The following PSPH variants were observed in gnomAD, a reference collection of about 807,000 sequenced individuals.
PSPH encodes phosphoserine phosphatase.
A neutral mutation model predicts 23.4 loss-of-function variants in PSPH; 16 were observed. The ratio of observed to expected loss-of-function variants is 0.68; its 90% CI spans 0.46 to 1.04. The LOEUF (loss-of-function observed/expected upper bound fraction) is 1.04. PSPH is among the 50% of genes least tolerant of loss of function. PSPH has a pLI of 0.00. For missense variants in PSPH, 223 were observed against 273.7 expected, an observed-to-expected ratio of 0.81 and a Z score of 1.31; for synonymous variants, 68 against 99.7, an observed-to-expected ratio of 0.68 and a Z score of 1.89.
chr7:56,020,974 G>C, intron 4 of PSPH, 99 bp downstream of exon 4: 1 of 1,409,354 alleles, frequency 7.1e-7, no homozygotes, highest in Non-Finnish European at 9.9e-7. Context: ...AAAAAGCCTA[G>C]TGCAAATGTT....
chr7:56,031,861 T>A (rs1791044877), intron 3 of PSPH, 68 bp downstream of exon 3: 1 of 153,350 alleles, frequency 6.5e-6, no homozygotes. Context: ...AACAGTTCAA[T>A]GCGTAAAAAA....
intron 1 of PSPH, 58 bp from the exon 2 acceptor site, chr7:56,034,164 C>A (rs1229793159): frequency 6.6e-6 from 1 of 152,288 alleles, no homozygotes; most frequent in African/African-American, 2.4e-5. Context: ...ACTGGAGACA[C>A]CAGATCTGTC....
chr7:56,043,924 G>A (rs762257602), intron 1 of PSPH, among the ~76,000 whole-genome samples: 11 of 152,066 alleles, frequency 7.2e-5, no homozygotes, highest in African/African-American at 9.7e-5. Flanking sequence ...CGATAGTTTT[G>A]AACATACAGG....
At position 56,032,112 on chromosome 7, in the gene PSPH, G is replaced by T. The variant is rs556903530; in HGVS notation, c.-145-58C>A. 4 of 152,294 alleles carry T rather than the reference G, an allele frequency of 2.6e-5. No individual in the cohort carries two copies. The East Asian group carries it at 7.7e-4, about 29-fold the overall frequency. The allele number at this position is 152,294 out of a possible 1,614,324, so 9.4% of individuals were successfully genotyped here. On this transcript the variant is annotated intron_variant, in intron 2 of 7. Transcript: ENST00000275605. ...AGTCCATACACAAAACAGGAAAGAG[G>T]GAGACTGGCTTCACTCTCTCTCCTG... is the stretch of plus-strand genomic sequence containing the variant.
intron 4 of PSPH, among the ~76,000 whole-genome samples, chr7:56,020,566 A>G (rs1486782422): frequency 6.6e-6 from 1 of 151,014 alleles, no homozygotes; most frequent in Non-Finnish European, 1.5e-5. Flanking sequence ...CAGAGGTTGC[A>G]GTGAGCTGAG....
chr7:56,021,103 AT>A lies in PSPH; in HGVS notation c.109del (p.Ile37SerfsTer11). 6.2e-7 allele frequency: 1 copy of A among 1,614,214 alleles called. No homozygotes were observed. The highest frequency in any genetic ancestry group is 8.5e-7 in the Non-Finnish European group (1 of 1,180,032). ...TGACACCGCGTCCTCAACGCCACAGATTTTGGCTAGCTCATCGATTCCTTCT... is the reference window on the plus strand; with the variant it reads ...TGACACCGCGTCCTCAACGCCACAGATTTGGCTAGCTCATCGATTCCTTCT... Reference protein sequence around the residue: ...REEGIDELAKICGVEDAVSEM... With the variant: ...REEGIDELAKXCGVEDAVSEM... On this transcript the variant is annotated frameshift_variant, in exon 4 of 8. Coordinates refer to ENST00000275605, the MANE Select transcript of PSPH (RefSeq NM_004577.4). LOFTEE classifies it high-confidence loss of function.
chr7:56,040,927 C>T (rs1167679648), intron 1 of PSPH, among the ~76,000 whole-genome samples: 1 of 152,026 alleles, frequency 6.6e-6, no homozygotes, highest in East Asian at 1.9e-4. Flanking sequence ...GGAGTGGAAA[C>T]CCTTGTAACC....
Position 56,011,402 on chromosome 7 carries a change from GC to G in PSPH, c.*359del, listed in dbSNP as rs1787897740. The G allele has an allele frequency of 1.2e-5, 2 of 161,164 alleles. No individual in the cohort carries two copies. The highest frequency in any genetic ancestry group is 4.8e-5 in the African/African-American group (2 of 41,598). 10.0% of individuals were successfully genotyped at this position (161,164 alleles called of 1,614,324 possible). A position where few individuals can be genotyped will look rare whatever the true frequency, so the allele number is the denominator to read the frequency against. On this transcript the variant is annotated 3_prime_UTR_variant, in exon 8 of 8. Transcript: ENST00000275605. ...AAATTAGCCGGATGTGGTGGCGGGT[GC>G]CTGTAGTCCCAGCTACTCGGGAGGC...
At chr7:56,032,892 A>G (rs985536524) in intron 2 of PSPH, among the ~76,000 whole-genome samples, 29 of 151,094 alleles carry the variant, frequency 1.9e-4, no homozygotes, top group Non-Finnish European at 2.5e-4. Flanking sequence ...GATTCCAATG[A>G]GCTATGATTG....
intron 1 of PSPH, chr7:56,043,244 G>C (rs1420922004): frequency 1.3e-5 from 2 of 151,618 alleles, no homozygotes; most frequent in Non-Finnish European, 2.9e-5. Context: ...ACTCCAGCCT[G>C]GGCGATAGAG....
intron 1 of PSPH, among the ~76,000 whole-genome samples, chr7:56,039,787 A>C (rs1026976212): frequency 4.0e-5 from 6 of 149,212 alleles, no homozygotes; most frequent in Non-Finnish European, 5.9e-5. Context: ...AAAAAAAAAA[A>C]AAAAAATTAA....
chr7:56,013,088 C>CAT (rs1172221925), intron 7 of PSPH, among the ~76,000 whole-genome samples: 3 of 117,464 alleles, frequency 2.6e-5, no homozygotes, highest in Non-Finnish European at 5.8e-5. Context: ...TATATACACA[C>CAT]ATATATATAC....
At position 56,034,055 on chromosome 7, in the gene PSPH, G is replaced by A. The variant is rs1447202234; in HGVS notation, c.-240C>T. 6.6e-6 allele frequency: 1 copy of A among 152,558 alleles called. No homozygotes were observed. Among genetic ancestry groups the A allele is most frequent in the Non-Finnish European group, 1.5e-5 (1 of 68,322 alleles). 9.5% of individuals were successfully genotyped at this position (152,558 alleles called of 1,614,324 possible). On this transcript the variant is annotated 5_prime_UTR_variant, in exon 2 of 8. Coordinates refer to ENST00000275605, the MANE Select transcript of PSPH (RefSeq NM_004577.4). ...GACGCTCGGGCGAGCAGTTCCCAGG[G>A]AGGTGAGCTGTGCAGACCCAGGGCC...
chr7:56,029,389 T>A (rs1052627315), intron 3 of PSPH, among the ~76,000 whole-genome samples: 4 of 149,040 alleles, frequency 2.7e-5, no homozygotes, highest in Non-Finnish European at 5.9e-5. Context: ...ACACAGCAGC[T>A]CCCAGGTCCC....
intron 3 of PSPH, among the ~76,000 whole-genome samples, chr7:56,029,863 G>C (rs1385509248): frequency 1.3e-5 from 2 of 151,806 alleles, no homozygotes; most frequent in Admixed American, 1.3e-4. Flanking sequence ...AAGTATAGCC[G>C]GGCGTGGGGA....
In PSPH at chr7:56,011,638, G is replaced by C. The variant is rs1353857323; in HGVS notation, c.*124C>G. ...CTAGGATTCCTAACTGTAGTTTAAA[G>C]TACAGATCATTTGTACCAACTTTCT... On this transcript the variant is annotated 3_prime_UTR_variant, in exon 8 of 8. Coordinates refer to ENST00000275605, the MANE Select transcript of PSPH (RefSeq NM_004577.4). 11 of 670,358 alleles carry C rather than the reference G, an allele frequency of 1.6e-5. No individual in the cohort carries two copies. Among genetic ancestry groups the C allele is most frequent in the Non-Finnish European group, 2.6e-5 (10 of 380,736 alleles). The allele number at this position is 670,358 out of a possible 1,614,324, so 41.5% of individuals were successfully genotyped here.
chr7:56,017,061 G>A (rs1032894737), intron 6 of PSPH, among the ~76,000 whole-genome samples, 173 bp downstream of exon 6: 3 of 152,162 alleles, frequency 2.0e-5, no homozygotes, highest in Admixed American at 2.0e-4. Flanking sequence ...GATGACCTAA[G>A]TCTATTTTGC....
intron 1 of PSPH, among the ~76,000 whole-genome samples, chr7:56,036,493 GT>G (rs1791742870): frequency 6.6e-6 from 1 of 151,824 alleles, no homozygotes; most frequent in Non-Finnish European, 1.5e-5. Context: ...GCTGGGTGTG[GT>G]GGTGCATGCC....
chr7:56,028,284 G>A (rs995171983), intron 3 of PSPH, among the ~76,000 whole-genome samples: 10 of 151,948 alleles, frequency 6.6e-5, no homozygotes, highest in Middle Eastern at 3.4e-3. Context: ...GAGTGCCAAT[G>A]GTATAATCAT....
Sources: gnomAD v4.1 joint callset for allele counts (sites outside exome capture counted in the v4.1 genomes callset) on GRCh38, gnomAD v4.1.1 for gene constraint, MANE v1.5 for transcripts, NCBI Gene and HGNC (gene_info 2026-07-23, HGNC 2026-07-21) for gene names.